CRYL1: variants seen among roughly 807,000 people sequenced by gnomAD.
CRYL1 encodes lambda-crystallin homolog.
CRYL1 carries 29 observed loss-of-function variants against 36.6 expected under a neutral mutation model. That is an observed-to-expected ratio of 0.79 (90% CI 0.59 to 1.08). CRYL1 has a LOEUF of 1.08. Among genes scored for constraint, CRYL1 ranks in the 50% least tolerant of loss-of-function variants. CRYL1 has a pLI of 0.00. For missense variants in CRYL1, 411 were observed against 407.9 expected (o/e 1.01, Z -0.06); for synonymous variants, 152 against 151.5 (o/e 1.00, Z -0.02).
At chr13:20,470,915 A>AT (rs1864801922) in intron 3 of CRYL1, among the ~76,000 whole-genome samples, 1 of 150,364 alleles carries the variant, frequency 6.7e-6, no homozygotes, top group African/African-American at 2.5e-5. Context: ...CATCTCAAAA[A>AT]AAAAAAAAAA....
At chr13:20,518,650 G>GA (rs2034043521) in intron 1 of CRYL1, among the ~76,000 whole-genome samples, 1 of 152,154 alleles carries the variant, frequency 6.6e-6, no homozygotes, top group Non-Finnish European at 1.5e-5. Context: ...GGACATTCTA[G>GA]TTGTCTTACT....
intron 5 of CRYL1, chr13:20,430,229 C>A (rs1160923613): frequency 2.0e-6 from 2 of 984,460 alleles, no homozygotes; most frequent in Non-Finnish European, 2.4e-6. Context: ...CAAGGTAATT[C>A]TTTGGGTTTT....
At chr13:20,509,547 T>G (rs1053359917) in intron 2 of CRYL1, among the ~76,000 whole-genome samples, 2 of 151,852 alleles carry the variant, frequency 1.3e-5, no homozygotes, top group African/African-American at 2.4e-5. Flanking sequence ...CATTAAAAAG[T>G]ACTACTCAAA....
In CRYL1 at chr13:20,414,368, AC is replaced by A. The variant is rs1291172554; in HGVS notation, c.634-982del. On this transcript the variant is annotated intron_variant, in intron 5 of 7. Transcript: ENST00000298248. ...CTTGACCTCCCTGCCTCCTTAGCTC[AC>A]CCTACAACCTACGGACCGCCTGCAG... is the stretch of plus-strand genomic sequence containing the variant. 3.3e-5 allele frequency among the ~76,000 whole-genome samples: 5 copies of A among 151,884 alleles called. No homozygotes were observed. In the East Asian group the frequency reaches 9.7e-4, roughly 30 times the overall value.
intron 2 of CRYL1, among the ~76,000 whole-genome samples, chr13:20,509,470 C>T (rs574718489): frequency 3.0e-4 from 46 of 152,252 alleles, no homozygotes; most frequent in African/African-American, 1.0e-3. Flanking sequence ...TTTTTATGCA[C>T]AGAGAGTCGC....
intron 4 of CRYL1, among the ~76,000 whole-genome samples, chr13:20,438,948 G>A (rs182396955): frequency 9.9e-5 from 15 of 152,176 alleles, no homozygotes; most frequent in African/African-American, 3.6e-4. Flanking sequence ...GTGCTTGCAC[G>A]CCAATCTGAA....
intron 5 of CRYL1, among the ~76,000 whole-genome samples, chr13:20,420,782 C>T (rs538011205): frequency 1.8e-4 from 26 of 140,860 alleles, no homozygotes; most frequent in African/African-American, 6.5e-4. Context: ...GTCGCCCAGG[C>T]TGGAGTGCAG....
At position 20,432,092 on chromosome 13, in the gene CRYL1, GCA is replaced by G. The variant is rs375657675; in HGVS notation, c.633+8_633+9del. The stretch of plus-strand genomic sequence containing the variant: ...GAAGGGAGGGAGGGAGAGAGGACGG[GCA>G]CACACACCTCCACTAGCCGCCAGGC... On this transcript the variant is annotated splice_region_variant and intron_variant, in intron 5 of 7. Coordinates refer to ENST00000298248, the MANE Select transcript of CRYL1 (RefSeq NM_015974.3). 27 of 1,614,022 alleles carry G rather than the reference GCA, an allele frequency of 1.7e-5. 1 individual carries two copies. In the African/African-American group the frequency reaches 1.9e-4, roughly 11 times the overall value.
Position 20,413,376 on chromosome 13 carries a change from C to T in CRYL1, c.645G>A (p.Val215=). The change falls in exon 6 of 8, where the codon GTG becomes GTA. Residue 215 remains valine, a synonymous_variant. Transcript: ENST00000298248. ...EAWRLVEEGI[V]SPSDLDLVMS... is the part of the protein sequence containing the mutation. Reference sequence around the variant, plus strand: ...TGACAAGGTCCAGGTCACTAGGAGACACGATTCCTTCCTACGTGGAGAAAT... The same window carrying T: ...TGACAAGGTCCAGGTCACTAGGAGATACGATTCCTTCCTACGTGGAGAAAT... 6.2e-7 allele frequency: 1 copy of T among 1,611,138 alleles called. No individual in the cohort carries two copies. The highest frequency in any genetic ancestry group is 1.1e-5 in the South Asian group (1 of 90,840).
chr13:20,491,551 G>A (rs531007209), intron 2 of CRYL1, among the ~76,000 whole-genome samples: 4 of 152,262 alleles, frequency 2.6e-5, no homozygotes, highest in South Asian at 2.1e-4. Context: ...AGCACTTTGC[G>A]AGGCCAAGGC....
At chr13:20,512,943 G>A (rs2033940161) in intron 1 of CRYL1, among the ~76,000 whole-genome samples, 1 of 152,156 alleles carries the variant, frequency 6.6e-6, no homozygotes, top group African/African-American at 2.4e-5. Flanking sequence ...TAGAAGATCT[G>A]AAATGTTCCC....
At chr13:20,446,825 G>T (rs1206244748) in intron 3 of CRYL1, among the ~76,000 whole-genome samples, 1 of 152,032 alleles carries the variant, frequency 6.6e-6, no homozygotes, top group Non-Finnish European at 1.5e-5. Flanking sequence ...GATGATTTTT[G>T]CATTGACTAG....
intron 3 of CRYL1, among the ~76,000 whole-genome samples, chr13:20,441,562 A>G (rs901630133): frequency 8.5e-5 from 13 of 152,220 alleles, no homozygotes; most frequent in Middle Eastern, 3.2e-3. Flanking sequence ...CAATTTCACT[A>G]AAATGTTAAA....
At chr13:20,430,754 G>A (rs376641395) in intron 5 of CRYL1, 1 of 985,376 alleles carries the variant, frequency 1.0e-6, no homozygotes, top group Non-Finnish European at 1.2e-6. Flanking sequence ...AAAAAGCTGA[G>A]ATTGCCTGTA....
At position 20,403,822 on chromosome 13, in the gene CRYL1, G is replaced by T; in HGVS notation, c.*307C>A. 4.4e-6 allele frequency: 1 copy of T among 227,442 alleles called. No homozygotes were observed. Among genetic ancestry groups the T allele is most frequent in the Non-Finnish European group, 8.5e-6 (1 of 117,910 alleles). 14.1% of individuals were successfully genotyped at this position (227,442 alleles called of 1,614,324 possible). ...TATTAACATGAAACTACAATCACTG[G>T]CTGTAAAATATAGTCAAATGCAATC... On this transcript the variant is annotated 3_prime_UTR_variant, in exon 8 of 8. Coordinates refer to ENST00000298248, the MANE Select transcript of CRYL1 (RefSeq NM_015974.3).
chr13:20,472,005 C>T (rs1362908770), intron 3 of CRYL1, among the ~76,000 whole-genome samples: 8 of 152,056 alleles, frequency 5.3e-5, no homozygotes, highest in South Asian at 2.1e-4. Flanking sequence ...GGATTACAGG[C>T]GCCCACCAAC....
intron 1 of CRYL1, among the ~76,000 whole-genome samples, chr13:20,519,421 C>A (rs1212484422): frequency 6.6e-6 from 1 of 151,230 alleles, no homozygotes; most frequent in Non-Finnish European, 1.5e-5. Context: ...GAGCCTCTAG[C>A]CCTAACTACC....
At chr13:20,455,038 G>A (rs1202644991) in intron 3 of CRYL1, among the ~76,000 whole-genome samples, 1 of 152,098 alleles carries the variant, frequency 6.6e-6, no homozygotes, top group African/African-American at 2.4e-5. Flanking sequence ...TGCCTACATA[G>A]AAAATCCCAA....
chr13:20,430,350 G>A, intron 5 of CRYL1: 1 of 985,368 alleles, frequency 1.0e-6, no homozygotes, highest in Non-Finnish European at 1.2e-6. Context: ...AGGCATCTGA[G>A]TCCCACAGCA....
Sources: allele counts gnomAD v4.1 joint callset (sites outside exome capture counted in the v4.1 genomes callset), GRCh38; gene constraint gnomAD v4.1.1; transcripts MANE v1.5; gene names NCBI Gene and HGNC (gene_info 2026-07-23, HGNC 2026-07-21).